Variants in SEMA3D observed in about 807,000 individuals in gnomAD.
SEMA3D encodes the protein semaphorin-3D.
Under a neutral mutation model 100.1 loss-of-function variants are expected in SEMA3D, and 84 were observed. The ratio of observed to expected loss-of-function variants is 0.84; its 90% CI spans 0.70 to 1.01. SEMA3D has a LOEUF of 1.01. SEMA3D is among the 50% of genes least tolerant of loss of function. The pLI is 0.00. For synonymous variants in SEMA3D, 312 were observed against 320.7 expected (o/e 0.97, Z 0.29); for missense variants, 875 against 934.1 (o/e 0.94, Z 0.82).
chr7:85,038,760 G>T (rs1049467785), intron 11 of SEMA3D, among the ~76,000 whole-genome samples: 14 of 152,108 alleles, frequency 9.2e-5, no homozygotes, highest in Non-Finnish European at 1.5e-4. Context: ...TTTATATTAG[G>T]ATATAAATTA....
intron 1 of SEMA3D, among the ~76,000 whole-genome samples, chr7:85,155,410 CTT>C (rs1440889251): frequency 1.5e-4 from 23 of 152,106 alleles, no homozygotes; most frequent in African/African-American, 5.1e-4. Flanking sequence ...AGGCTATCAT[CTT>C]AGTTTTAATC....
intron 9 of SEMA3D, among the ~76,000 whole-genome samples, chr7:85,045,347 G>A (rs903596667): frequency 3.9e-5 from 6 of 152,018 alleles, no homozygotes; most frequent in Non-Finnish European, 4.4e-5. Flanking sequence ...ATGTTATTAA[G>A]TGCACATGAA....
rs375099263 is a variant in SEMA3D at position 85,123,120 on chromosome 7, G to A, written c.-40-1189C>T. ...TTAAATAGTTCTTCCAGGGGTACAC[G>A]GCAAGTAAGAGATGGATCAAATCAA... On this transcript the variant is annotated intron_variant, in intron 2 of 18. Transcript: ENST00000284136. Among the ~76,000 whole-genome samples, 18 of 152,140 alleles carry A rather than the reference G, an allele frequency of 1.2e-4. No homozygotes were observed. The East Asian group carries it at 3.1e-3, about 26-fold the overall frequency.
chr7:85,135,019 A>G (rs1438111646), intron 2 of SEMA3D, among the ~76,000 whole-genome samples: 1 of 151,508 alleles, frequency 6.6e-6, no homozygotes, highest in East Asian at 1.9e-4. Context: ...TTTTTCTAAC[A>G]TCACTTGAGA....
At chr7:85,223,434 T>C in the SEMA3D span, among the ~76,000 whole-genome samples, 1 of 152,014 alleles carries the variant, frequency 6.6e-6, no homozygotes, top group Non-Finnish European at 1.5e-5. Context: ...TACAGGCATG[T>C]TTATACCAGG....
the SEMA3D span, among the ~76,000 whole-genome samples, chr7:85,249,006 T>C: frequency 6.6e-6 from 1 of 152,094 alleles, no homozygotes; most frequent in Non-Finnish European, 1.5e-5. Flanking sequence ...GTCAATGTAG[T>C]TTAATTAGTT....
At chr7:85,217,469 G>T in the SEMA3D span, among the ~76,000 whole-genome samples, 1 of 151,972 alleles carries the variant, frequency 6.6e-6, no homozygotes, top group Non-Finnish European at 1.5e-5. Flanking sequence ...AAATAATTAA[G>T]CAACTAAGAT....
chr7:85,055,822 G>A lies in SEMA3D; in HGVS notation c.756C>T (p.Thr252=), dbSNP rs774924520. Residue 252 remains threonine (T), a synonymous_variant, in exon 9 of 19, where the codon ACC becomes ACT. Coordinates refer to ENST00000284136, the MANE Select transcript of SEMA3D (RefSeq NM_001384900.1). The part of the protein sequence containing the change: ...KFIGTFFIPD[T]YNPDDDKIYF... ...ATATTTTATCATCATCTGGATTGTAGGTGTCTGGTATGAAGAAAGTTCCAA... is the reference window on the plus strand; with the variant it reads ...ATATTTTATCATCATCTGGATTGTAAGTGTCTGGTATGAAGAAAGTTCCAA... 2 of 1,578,244 alleles carry A rather than the reference G, an allele frequency of 1.3e-6. No homozygotes were observed. The highest frequency in any genetic ancestry group is 8.7e-7 in the Non-Finnish European group (1 of 1,153,148).
chr7:85,145,483 C>T (rs1005139295), intron 2 of SEMA3D, among the ~76,000 whole-genome samples: 1 of 151,892 alleles, frequency 6.6e-6, no homozygotes. Context: ...TGGGGAAATG[C>T]CATTCTAAAA....
intron 18 of SEMA3D, among the ~76,000 whole-genome samples, chr7:85,005,860 C>A (rs1443237226): frequency 6.6e-6 from 1 of 151,926 alleles, no homozygotes; most frequent in Non-Finnish European, 1.5e-5. Flanking sequence ...AGGTTGAGAT[C>A]CACTGTTATG....
At chr7:85,160,174 G>A (rs946246855) in intron 1 of SEMA3D, 2 of 349,270 alleles carry the variant, frequency 5.7e-6, no homozygotes, top group Admixed American at 1.3e-4. Context: ...AAAAAGGTAA[G>A]GCATTATATA....
At chr7:85,083,069 T>C (rs1184432616) in intron 4 of SEMA3D, among the ~76,000 whole-genome samples, 4 of 152,224 alleles carry the variant, frequency 2.6e-5, no homozygotes, top group African/African-American at 4.8e-5. Context: ...AACTCATTAT[T>C]AGGTCTAAAA....
chr7:85,222,558 T>C, the SEMA3D span, among the ~76,000 whole-genome samples: 1 of 152,150 alleles, frequency 6.6e-6, no homozygotes, highest in Non-Finnish European at 1.5e-5. Context: ...TCTAAAAGTA[T>C]GGCCAGAATT....
chr7:85,122,586 A>G (rs529407059), intron 2 of SEMA3D, among the ~76,000 whole-genome samples: 2 of 152,196 alleles, frequency 1.3e-5, no homozygotes, highest in Non-Finnish European at 2.9e-5. Context: ...GCCCCATATC[A>G]TCCCCAAATG....
intron 12 of SEMA3D, chr7:85,027,922 A>T: frequency 1.7e-6 from 1 of 587,038 alleles, no homozygotes; most frequent in South Asian, 1.4e-5. Flanking sequence ...ATTGCCAATG[A>T]TCAGGGAAAC....
At chr7:85,007,700 C>T (rs1404282404) in intron 17 of SEMA3D, among the ~76,000 whole-genome samples, 1 of 151,672 alleles carries the variant, frequency 6.6e-6, no homozygotes, top group East Asian at 1.9e-4. Context: ...AGAGCTCTAG[C>T]TCAAATTTGA....
chr7:85,163,771 G>C (rs1371648947), intron 1 of SEMA3D, among the ~76,000 whole-genome samples: 1 of 152,028 alleles, frequency 6.6e-6, no homozygotes, highest in Non-Finnish European at 1.5e-5. Context: ...CTTTCAACCA[G>C]CCAAATGTTT....
At chr7:85,236,262 A>G in the SEMA3D span, among the ~76,000 whole-genome samples, 1 of 143,334 alleles carries the variant, frequency 7.0e-6, no homozygotes, top group South Asian at 2.1e-4. Flanking sequence ...TAGATGATTT[A>G]GTATTTTATT....
the SEMA3D span, among the ~76,000 whole-genome samples, chr7:85,223,400 G>C: frequency 3.9e-5 from 6 of 151,978 alleles, no homozygotes; most frequent in African/African-American, 1.2e-4. Flanking sequence ...AGGAAAATAA[G>C]TCATTACATG....
Sources: gnomAD v4.1 joint callset for allele counts (sites outside exome capture counted in the v4.1 genomes callset) on GRCh38, gnomAD v4.1.1 for gene constraint, MANE v1.5 for transcripts, NCBI Gene and HGNC (gene_info 2026-07-23, HGNC 2026-07-21) for gene names.